The following ERBIN variants were observed in gnomAD, a reference collection of about 807,000 sequenced individuals.
ERBIN encodes erbb2 interacting protein.
ERBIN carries 60 observed loss-of-function variants against 158.4 expected under a neutral mutation model. The observed-to-expected ratio is 0.38, with a 90% CI of 0.31 to 0.47. ERBIN has a LOEUF of 0.47. Ranked by LOEUF, ERBIN falls within the 20% of genes least tolerant of loss-of-function variation. The pLI is 0.99. For missense variants in ERBIN, 1,610 were observed against 1,648.0 expected (o/e 0.98, Z 0.40); for synonymous variants, 594 against 557.2 (o/e 1.07, Z -0.93).
chr5:65,965,070 C>G (rs1361816539), intron 1 of ERBIN, among the ~76,000 whole-genome samples: 1 of 151,302 alleles, frequency 6.6e-6, no homozygotes, highest in Non-Finnish European at 1.5e-5. Context: ...GGATTACAGG[C>G]ATGAGCCCCT....
chr5:66,028,146 AT>A lies in ERBIN; in HGVS notation c.1137-119del, dbSNP rs199690791. 1.2e-4 allele frequency: 64 copies of A among 551,410 alleles called. 1 individual carries two copies. The highest frequency in any genetic ancestry group is 3.3e-4 in the Admixed American group (9 of 27,192). The allele number at this position is 551,410 out of a possible 1,614,324, so 34.2% of individuals were successfully genotyped here. A position where few individuals can be genotyped will look rare whatever the true frequency, so the allele number is the denominator to read the frequency against. The stretch of plus-strand genomic sequence containing the variant: ...GAAGAATTATATTGGACTTTTCTCG[AT>A]TTTTTTTTCTCCTATTTTCATGTGC... On this transcript the variant is annotated intron_variant, in intron 13 of 25. Coordinates refer to ENST00000284037, the MANE Select transcript of ERBIN (RefSeq NM_001253697.2).
chr5:66,006,343 T>C (rs564095137), intron 4 of ERBIN, among the ~76,000 whole-genome samples: 4 of 152,184 alleles, frequency 2.6e-5, no homozygotes, highest in Non-Finnish European at 4.4e-5. Flanking sequence ...TAGCCATATG[T>C]AGAAAGCTGA....
intron 7 of ERBIN, among the ~76,000 whole-genome samples, chr5:66,018,449 ATATAT>A (rs1453050449): frequency 7.0e-4 from 30 of 43,128 alleles, no homozygotes; most frequent in Admixed American, 8.6e-4. Flanking sequence ...ATAATATAAT[ATATAT>A]TATATTATAT....
At chr5:66,024,887 A>C (rs770629030) in intron 10 of ERBIN, among the ~76,000 whole-genome samples, 26 of 152,108 alleles carry the variant, frequency 1.7e-4, no homozygotes, top group Non-Finnish European at 3.4e-4. Flanking sequence ...TATTTTGATG[A>C]AAGGACCCAA....
chr5:66,029,569 T>TCTGTCCTGTC (rs545193447), intron 14 of ERBIN, among the ~76,000 whole-genome samples: 141 of 144,996 alleles, frequency 9.7e-4, no homozygotes, highest in African/African-American at 3.4e-3. Context: ...TCTGTTCTGT[T>TCTGTCCTGTC]CTGTCCTGTC....
At chr5:66,067,201 T>C (rs1212749765) in intron 21 of ERBIN, among the ~76,000 whole-genome samples, 6 of 152,238 alleles carry the variant, frequency 3.9e-5, no homozygotes, top group Admixed American at 3.9e-4. Context: ...GCTATAAGTT[T>C]AGCTTTTTCT....
chr5:66,078,571 T>A lies in ERBIN; in HGVS notation c.*41T>A, dbSNP rs762078457. ...AAAGCGGGGAAGACAGCAAGATTTA[T>A]TGGAAGATACTTACAGGGGAAATTA... On this transcript the variant is annotated 3_prime_UTR_variant, in exon 26 of 26. Transcript: ENST00000284037. 1.8e-5 allele frequency: 21 copies of A among 1,163,364 alleles called. No individual in the cohort carries two copies. The highest frequency in any genetic ancestry group is 2.4e-5 in the Non-Finnish European group (19 of 775,724). The allele number at this position is 1,163,364 out of a possible 1,614,324, so 72.1% of individuals were successfully genotyped here. A position where few individuals can be genotyped will look rare whatever the true frequency, so the allele number is the denominator to read the frequency against.
chr5:66,073,633 A>G (rs954949278), intron 22 of ERBIN, among the ~76,000 whole-genome samples: 1 of 152,172 alleles, frequency 6.6e-6, no homozygotes, highest in Admixed American at 6.5e-5. Context: ...ATCTTTCAGC[A>G]AGGTTCACCA....
At chr5:66,020,596 T>C (rs1208622505) in intron 7 of ERBIN, among the ~76,000 whole-genome samples, 2 of 151,976 alleles carry the variant, frequency 1.3e-5, no homozygotes, top group Non-Finnish European at 2.9e-5. Flanking sequence ...AGTGTAAATA[T>C]TTGTTTGAAT....
At chr5:65,998,003 A>G (rs1392509231) in intron 4 of ERBIN, among the ~76,000 whole-genome samples, 2 of 151,910 alleles carry the variant, frequency 1.3e-5, no homozygotes, top group Non-Finnish European at 2.9e-5. Flanking sequence ...TGAGGTGGGT[A>G]GATCACTTGA....
chr5:65,940,688 G>T (rs1396121691), intron 1 of ERBIN, among the ~76,000 whole-genome samples: 1 of 146,152 alleles, frequency 6.8e-6, no homozygotes, highest in African/African-American at 2.6e-5. Flanking sequence ...GTCCGGGAGG[G>T]AGGTGGGGGG....
chr5:65,963,539 A>G (rs919176659), intron 1 of ERBIN, among the ~76,000 whole-genome samples: 3 of 151,978 alleles, frequency 2.0e-5, no homozygotes, highest in African/African-American at 4.8e-5. Flanking sequence ...TGGAGGTTGC[A>G]GTGAGCTGAG....
intron 1 of ERBIN, among the ~76,000 whole-genome samples, chr5:65,940,425 A>AC: frequency 8.1e-6 from 1 of 122,722 alleles, no homozygotes; most frequent in Non-Finnish European, 1.6e-5. Context: ...TGGGGGGGTC[A>AC]GCCCCCCGCC....
chr5:66,009,028 C>T (rs1340416612), intron 4 of ERBIN, among the ~76,000 whole-genome samples: 1 of 152,146 alleles, frequency 6.6e-6, no homozygotes, highest in Non-Finnish European at 1.5e-5. Context: ...TTCAGTGCAA[C>T]TTTTTCACAG....
At chr5:65,940,539 G>T (rs113744297) in intron 1 of ERBIN, among the ~76,000 whole-genome samples, 1 of 114,010 alleles carries the variant, frequency 8.8e-6, no homozygotes, top group South Asian at 2.9e-4. Flanking sequence ...CCCCCTGCCC[G>T]GCCAGCCGCC....
chr5:66,021,337 G>T lies in ERBIN; in HGVS notation c.549G>T (p.Leu183=). The change falls in exon 8 of 26, where the codon CTG becomes CTT. Residue 183 remains leucine (L), a synonymous_variant. Transcript: ENST00000284037. ...TTATGAACAGAACTATGAATAGACT[G>T]ACCCAGCTGGAAAGACTGGATTTGG... The part of the protein sequence containing the change: ...LKMLPKTMNR[L]TQLERLDLGS... The T allele has an allele frequency of 6.2e-7, 1 of 1,602,196 alleles. No individual in the cohort carries two copies. Among genetic ancestry groups the T allele is most frequent in the East Asian group, 2.2e-5 (1 of 44,532 alleles).
intron 1 of ERBIN, among the ~76,000 whole-genome samples, chr5:65,976,483 G>C (rs1470689414): frequency 6.6e-6 from 1 of 151,536 alleles, no homozygotes; most frequent in South Asian, 2.1e-4. Flanking sequence ...CCCAAAAAAA[G>C]AAAGATTATA....
intron 1 of ERBIN, among the ~76,000 whole-genome samples, chr5:65,953,872 A>G (rs251304): frequency 0.73 from 111,726 of 152,124 alleles, 42,781 homozygotes; most frequent in Non-Finnish European, 0.86. Context: ...GGATTGTAGA[A>G]CATTAATTTC....
intron 8 of ERBIN, among the ~76,000 whole-genome samples, 185 bp downstream of exon 8, chr5:66,021,570 C>A (rs1451510993): frequency 6.6e-6 from 1 of 151,976 alleles, no homozygotes; most frequent in African/African-American, 2.4e-5. Flanking sequence ...AGATGAACTT[C>A]TGACCACAAG....
Sources: gnomAD v4.1 joint callset for allele counts (sites outside exome capture counted in the v4.1 genomes callset) on GRCh38, gnomAD v4.1.1 for gene constraint, MANE v1.5 for transcripts, NCBI Gene and HGNC (gene_info 2026-07-23, HGNC 2026-07-21) for gene names.